The following DOK5 variants were observed in gnomAD, a reference collection of about 807,000 sequenced individuals.
The protein encoded by DOK5 is docking protein 5.
In DOK5, 27 loss-of-function variants were observed where a neutral mutation model predicts 43.3. The ratio of observed to expected loss-of-function variants is 0.62; its 90% CI spans 0.46 to 0.86. The LOEUF (loss-of-function observed/expected upper bound fraction) is 0.86, where lower values mean the gene tolerates loss of function less well. Ranked by LOEUF, DOK5 falls within the 40% of genes least tolerant of loss-of-function variation. The pLI is 0.00. For missense variants in DOK5, 373 were observed against 392.9 expected (o/e 0.95, Z 0.43); for synonymous variants, 146 against 140.1 (o/e 1.04, Z -0.30).
intron 1 of DOK5, among the ~76,000 whole-genome samples, chr20:54,525,398 G>A (rs1372954326): frequency 6.6e-6 from 1 of 152,144 alleles, no homozygotes; most frequent in Non-Finnish European, 1.5e-5. Context: ...TTTATGCAGG[G>A]AATATGCACT....
chr20:54,481,134 C>G (rs759596256), intron 1 of DOK5, among the ~76,000 whole-genome samples: 1 of 32,574 alleles, frequency 3.1e-5, no homozygotes, highest in East Asian at 1.4e-3. Context: ...TATCTATCAT[C>G]TATCTATCTA....
chr20:54,562,753 C>T (rs1984952031), intron 2 of DOK5, among the ~76,000 whole-genome samples: 1 of 151,930 alleles, frequency 6.6e-6, no homozygotes, highest in Non-Finnish European at 1.5e-5. Context: ...AAAAATCAAT[C>T]TAAAACATAC....
At chr20:54,585,893 G>A (rs1045782829) in intron 2 of DOK5, among the ~76,000 whole-genome samples, 6 of 152,166 alleles carry the variant, frequency 3.9e-5, no homozygotes, top group Admixed American at 1.3e-4. Flanking sequence ...AGGCTGAGGC[G>A]GGCAGATCAC....
chr20:54,623,541 A>G (rs1600745495), intron 6 of DOK5, among the ~76,000 whole-genome samples: 2 of 152,094 alleles, frequency 1.3e-5, no homozygotes, highest in East Asian at 3.9e-4. Context: ...GTAAGATTCA[A>G]CACATGTGAA....
chr20:54,547,839 T>G (rs1984398580), intron 1 of DOK5, among the ~76,000 whole-genome samples: 1 of 152,206 alleles, frequency 6.6e-6, no homozygotes, highest in Admixed American at 6.5e-5. Context: ...CAGTGGCCTG[T>G]GGGGATTGAC....
chr20:54,611,649 C>T (rs1474708919), intron 6 of DOK5, among the ~76,000 whole-genome samples: 1 of 152,090 alleles, frequency 6.6e-6, no homozygotes, highest in Non-Finnish European at 1.5e-5. Flanking sequence ...TAAATGAATG[C>T]ACAACACTTA....
intron 2 of DOK5, among the ~76,000 whole-genome samples, chr20:54,564,359 A>G (rs996763024): frequency 6.6e-6 from 1 of 152,220 alleles, no homozygotes; most frequent in Non-Finnish European, 1.5e-5. Context: ...TGAACCTGGG[A>G]CGCGGAGCTT....
chr20:54,492,571 AAG>A (rs1220526043), intron 1 of DOK5, among the ~76,000 whole-genome samples: 4 of 152,170 alleles, frequency 2.6e-5, no homozygotes, highest in East Asian at 3.8e-4. Flanking sequence ...TCCTAAAAAA[AAG>A]AGTTACTCTT....
At chr20:54,622,931 T>G (rs1987027774) in intron 6 of DOK5, among the ~76,000 whole-genome samples, 2 of 152,056 alleles carry the variant, frequency 1.3e-5, no homozygotes, top group African/African-American at 4.8e-5. Flanking sequence ...ACTCTTAAGA[T>G]TTTTGAAATG....
chr20:54,539,718 C>T (rs1984084072), intron 1 of DOK5, among the ~76,000 whole-genome samples: 1 of 152,182 alleles, frequency 6.6e-6, no homozygotes, highest in South Asian at 2.1e-4. Flanking sequence ...CAACCCAGGA[C>T]TTGACTGCTC....
chr20:54,533,487 A>T (rs1983851137), intron 1 of DOK5, among the ~76,000 whole-genome samples: 1 of 152,220 alleles, frequency 6.6e-6, no homozygotes, highest in African/African-American at 2.4e-5. Flanking sequence ...AGTTAAATTA[A>T]TACAAATAAT....
intron 6 of DOK5, among the ~76,000 whole-genome samples, chr20:54,612,712 C>G (rs973804716): frequency 1.1e-4 from 17 of 152,272 alleles, no homozygotes; most frequent in African/African-American, 3.9e-4. Context: ...GTGTATATAT[C>G]CTATTTACTC....
chr20:54,598,716 T>G (rs1246484241), intron 5 of DOK5, among the ~76,000 whole-genome samples: 1 of 152,240 alleles, frequency 6.6e-6, no homozygotes, highest in Non-Finnish European at 1.5e-5. Flanking sequence ...CTTGTGCTTT[T>G]GACATCGTTT....
chr20:54,609,882 G>A (rs1986588718), intron 5 of DOK5, among the ~76,000 whole-genome samples: 1 of 152,166 alleles, frequency 6.6e-6, no homozygotes, highest in Non-Finnish European at 1.5e-5. Flanking sequence ...GAAAGCTGGA[G>A]TAATATTTGA....
intron 2 of DOK5, among the ~76,000 whole-genome samples, chr20:54,560,781 C>A (rs1006365268): frequency 6.6e-6 from 1 of 152,146 alleles, no homozygotes; most frequent in African/African-American, 2.4e-5. Flanking sequence ...CCACCATGCC[C>A]AGCTAATTTT....
intron 1 of DOK5, among the ~76,000 whole-genome samples, chr20:54,527,899 T>C (rs1430708764): frequency 5.9e-5 from 9 of 152,150 alleles, no homozygotes; most frequent in Admixed American, 5.9e-4. Context: ...GATGCGATCC[T>C]CTTAATTTTT....
chr20:54,637,897 C>T (rs898364731), intron 6 of DOK5, among the ~76,000 whole-genome samples: 11 of 152,150 alleles, frequency 7.2e-5, no homozygotes, highest in Non-Finnish European at 1.6e-4. Context: ...CCAAGGCGGG[C>T]AGATCACAAG....
chr20:54,516,676 A>G (rs909146468), intron 1 of DOK5, among the ~76,000 whole-genome samples: 3 of 152,196 alleles, frequency 2.0e-5, no homozygotes, highest in African/African-American at 7.2e-5. Context: ...ACACTGACCC[A>G]AGATATAGCC....
At chr20:54,561,877 G>A (rs1177688189) in intron 2 of DOK5, among the ~76,000 whole-genome samples, 6 of 152,112 alleles carry the variant, frequency 3.9e-5, no homozygotes, top group Non-Finnish European at 2.9e-5. Context: ...GTCTGGTCTC[G>A]AACTCCCGAC....
Sources: gnomAD v4.1 joint callset for allele counts (sites outside exome capture counted in the v4.1 genomes callset) on GRCh38, gnomAD v4.1.1 for gene constraint, MANE v1.5 for transcripts, NCBI Gene and HGNC (gene_info 2026-07-23, HGNC 2026-07-21) for gene names.